CADPS2: variants seen among roughly 807,000 people sequenced by gnomAD.
The protein encoded by CADPS2 is calcium dependent secretion activator 2.
CADPS2 carries 93 observed loss-of-function variants against 172.5 expected under a neutral mutation model. The observed-to-expected ratio is 0.54, with a 90% CI of 0.46 to 0.64. The LOEUF (loss-of-function observed/expected upper bound fraction) is 0.64. CADPS2 is among the 30% of genes least tolerant of loss of function. The pLI is 0.00. For synonymous variants in CADPS2, 546 were observed against 555.2 expected, an observed-to-expected ratio of 0.98 and a Z score of 0.23; for missense variants, 1,420 against 1,565.9, an observed-to-expected ratio of 0.91 and a Z score of 1.57.
intron 1 of CADPS2, among the ~76,000 whole-genome samples, chr7:122,776,217 T>C (rs1282601425): frequency 6.6e-6 from 1 of 152,120 alleles, no homozygotes; most frequent in Non-Finnish European, 1.5e-5. Context: ...GCTGTTCTCA[T>C]GATAGTGAAT....
intron 9 of CADPS2, among the ~76,000 whole-genome samples, chr7:122,505,637 T>C (rs377076396): frequency 6.6e-6 from 1 of 152,120 alleles, no homozygotes; most frequent in African/African-American, 2.4e-5. Context: ...GGAAGAGTAA[T>C]AAAATACCAA....
chr7:122,590,132 G>C (rs1188007005), intron 6 of CADPS2, among the ~76,000 whole-genome samples: 1 of 151,598 alleles, frequency 6.6e-6, no homozygotes, highest in Non-Finnish European at 1.5e-5. Flanking sequence ...AATCTCTAGG[G>C]ACTCAAAGTA....
Position 122,438,517 on chromosome 7 carries a change from G to A in CADPS2, c.2353-53C>T. The stretch of plus-strand genomic sequence containing the variant: ...GGGGCAGGGTTGGGGATAGACAGAT[G>A]GAAGAAAAAAGACAGATGTTGCATA... On this transcript the variant is annotated intron_variant, in intron 16 of 29. Coordinates refer to ENST00000449022, the MANE Select transcript of CADPS2 (RefSeq NM_017954.11). The A allele has an allele frequency of 2.5e-6, 4 of 1,581,290 alleles. No homozygotes were observed. The Admixed American group carries it at 7.1e-5, about 28-fold the overall frequency.
intron 8 of CADPS2, among the ~76,000 whole-genome samples, chr7:122,528,884 A>G (rs1330800973): frequency 6.6e-6 from 1 of 152,252 alleles, no homozygotes; most frequent in Admixed American, 6.5e-5. Context: ...GACAAGTTTG[A>G]TATGTCCAAA....
At position 122,701,481 on chromosome 7, in the gene CADPS2, C is replaced by T. The variant is rs139011944; in HGVS notation, c.453+35474G>A. Among the ~76,000 whole-genome samples, 150 of 152,182 alleles carry T rather than the reference C, an allele frequency of 9.9e-4. 2 individuals are homozygous for T. In the East Asian group the frequency reaches 0.026, roughly 27 times the overall value. On this transcript the variant is annotated intron_variant, in intron 2 of 29. Transcript: ENST00000449022. The stretch of plus-strand genomic sequence containing the variant: ...GGGAGGGATAGCATTTGGAGATATA[C>T]CTAATGTTAAATGACGAGTTACTGG...
chr7:122,823,132 A>G (rs796129141), intron 1 of CADPS2, among the ~76,000 whole-genome samples: 6 of 152,260 alleles, frequency 3.9e-5, no homozygotes, highest in African/African-American at 1.4e-4. Context: ...GTCTATTCAG[A>G]TCTTTTGTAC....
At chr7:122,476,875 A>G (rs367928494) in intron 12 of CADPS2, among the ~76,000 whole-genome samples, 3 of 151,768 alleles carry the variant, frequency 2.0e-5, no homozygotes, top group African/African-American at 7.3e-5. Context: ...ATGCAAAACT[A>G]CATTACCATG....
chr7:122,483,522 G>A (rs2057503985), intron 11 of CADPS2, among the ~76,000 whole-genome samples: 2 of 151,966 alleles, frequency 1.3e-5, no homozygotes, highest in African/African-American at 2.4e-5. Flanking sequence ...GAAAGGCACT[G>A]GAAATGGTAA....
chr7:122,366,178 A>G (rs1265080735), intron 25 of CADPS2, among the ~76,000 whole-genome samples: 1 of 151,840 alleles, frequency 6.6e-6, no homozygotes, highest in African/African-American at 2.4e-5. Context: ...TAGTTAAAAA[A>G]CTTTTAAAAA....
At chr7:122,858,671 T>C (rs1374478534) in intron 1 of CADPS2, among the ~76,000 whole-genome samples, 1 of 152,182 alleles carries the variant, frequency 6.6e-6, no homozygotes, top group African/African-American at 2.4e-5. Flanking sequence ...GATAAAAGCA[T>C]TAATATTTGA....
chr7:122,468,325 T>C (rs979638805), intron 14 of CADPS2, among the ~76,000 whole-genome samples: 2 of 152,208 alleles, frequency 1.3e-5, no homozygotes, highest in Non-Finnish European at 2.9e-5. Context: ...ATTGACAGTA[T>C]GTTTAAACAA....
intron 1 of CADPS2, among the ~76,000 whole-genome samples, chr7:122,852,108 T>C (rs1161503162): frequency 6.6e-6 from 1 of 152,212 alleles, no homozygotes; most frequent in Non-Finnish European, 1.5e-5. Context: ...TTTTTTTCTA[T>C]TAAAAATGAA....
intron 1 of CADPS2, among the ~76,000 whole-genome samples, chr7:122,874,137 T>C (rs1001591833): frequency 2.0e-5 from 3 of 152,218 alleles, no homozygotes; most frequent in Non-Finnish European, 4.4e-5. Flanking sequence ...ATAGTTTCTT[T>C]TGCTGTGCAG....
intron 17 of CADPS2, among the ~76,000 whole-genome samples, chr7:122,429,345 C>G (rs1440253720): frequency 1.4e-5 from 2 of 147,744 alleles, no homozygotes; most frequent in Non-Finnish European, 1.5e-5. Context: ...CATACTAGAT[C>G]AGTATAGCTC....
rs1467957052 is a variant in CADPS2, at chr7:122,621,673, C to A, written c.912G>T (p.Met304Ile). The A allele has an allele frequency of 2.5e-6, 4 of 1,609,450 alleles. No individual in the cohort carries two copies. The East Asian group carries it at 6.7e-5, about 27-fold the overall frequency. ...PKFIAKDMEN[M>I]YIEELRSSVN... ...CTGAAGACCGCAACTCTTCTATATA[C>A]ATATTCTCCATATCTTTTGCTATAA... Residue 304 changes from methionine (M) to isoleucine (I), a missense_variant, in exon 5 of 30, where the codon ATG becomes ATT. Coordinates refer to ENST00000449022, the MANE Select transcript of CADPS2 (RefSeq NM_017954.11).
At chr7:122,710,714 C>G (rs1483622209) in intron 2 of CADPS2, among the ~76,000 whole-genome samples, 1 of 152,094 alleles carries the variant, frequency 6.6e-6, no homozygotes, top group Non-Finnish European at 1.5e-5. Flanking sequence ...ATTTCAATCT[C>G]CCATTTGTGA....
intron 1 of CADPS2, among the ~76,000 whole-genome samples, chr7:122,778,068 G>C (rs1291103493): frequency 6.6e-6 from 1 of 152,044 alleles, no homozygotes; most frequent in African/African-American, 2.4e-5. Flanking sequence ...ATGTAGGAAA[G>C]TTTGGAGCTT....
At chr7:122,405,778 G>A (rs963500376) in intron 20 of CADPS2, among the ~76,000 whole-genome samples, 2 of 152,080 alleles carry the variant, frequency 1.3e-5, no homozygotes, top group Non-Finnish European at 2.9e-5. Context: ...TGAATCTAAG[G>A]TAGGAATTGT....
At chr7:122,644,574 G>A (rs573952631) in intron 3 of CADPS2, among the ~76,000 whole-genome samples, 2 of 152,224 alleles carry the variant, frequency 1.3e-5, no homozygotes, top group East Asian at 3.9e-4. Flanking sequence ...TTCCAAAACA[G>A]AGTAATTCCA....
Sources: allele counts gnomAD v4.1 joint callset (sites outside exome capture counted in the v4.1 genomes callset), GRCh38; gene constraint gnomAD v4.1.1; transcripts MANE v1.5; gene names NCBI Gene and HGNC (gene_info 2026-07-23, HGNC 2026-07-21).